The following CDH18 variants were observed in gnomAD, a reference collection of about 807,000 sequenced individuals.
The protein encoded by CDH18 is cadherin-18.
In CDH18, 31 loss-of-function variants were observed where a neutral mutation model predicts 67.9. The ratio of observed to expected loss-of-function variants is 0.46; its 90% CI spans 0.34 to 0.62. CDH18 has a LOEUF of 0.62. Ranked by LOEUF, CDH18 falls within the 20% of genes least tolerant of loss-of-function variation. CDH18 has a pLI of 0.01. For missense variants in CDH18, 890 were observed against 975.5 expected, an observed-to-expected ratio of 0.91 and a Z score of 1.17; for synonymous variants, 362 against 347.2, an observed-to-expected ratio of 1.04 and a Z score of -0.48.
chr5:19,681,627 G>T (rs1003498061), intron 5 of CDH18, among the ~76,000 whole-genome samples: 1 of 151,884 alleles, frequency 6.6e-6, no homozygotes, highest in Admixed American at 6.6e-5. Context: ...GTAAACAAAT[G>T]TAAGAACCAA....
chr5:19,479,736 A>G (rs578195504), intron 12 of CDH18, among the ~76,000 whole-genome samples: 5 of 152,246 alleles, frequency 3.3e-5, no homozygotes, highest in African/African-American at 9.6e-5. Flanking sequence ...TCACCTGCTT[A>G]TATGTGAGGT....
chr5:20,130,774 A>G (rs1186514728), intron 2 of CDH18, among the ~76,000 whole-genome samples: 1 of 152,052 alleles, frequency 6.6e-6, no homozygotes, highest in Non-Finnish European at 1.5e-5. Flanking sequence ...TCTCATATCA[A>G]TATAAGTAAT....
At chr5:20,043,547 C>T (rs1207017333) in intron 2 of CDH18, among the ~76,000 whole-genome samples, 1 of 152,184 alleles carries the variant, frequency 6.6e-6, no homozygotes, top group Non-Finnish European at 1.5e-5. Flanking sequence ...AACTATACAA[C>T]CTTTCATGGT....
chr5:19,575,951 T>A (rs1205208577), intron 7 of CDH18, among the ~76,000 whole-genome samples: 1 of 152,142 alleles, frequency 6.6e-6, no homozygotes, highest in African/African-American at 2.4e-5. Flanking sequence ...TGTCCAGAAA[T>A]CATAATTTTG....
chr5:19,473,286 T>G lies in CDH18; in HGVS notation c.2313A>C (p.Gly771=). 6.2e-7 allele frequency: 1 copy of G among 1,613,784 alleles called. No individual in the cohort carries two copies. The highest frequency in any genetic ancestry group is 8.5e-7 in the Non-Finnish European group (1 of 1,179,834). ...DQDYHYLGDW[G]PEFKKLAELY... ...GTTCAGCTAACTTTTTAAACTCGGGTCCCCAGTCTCCAAGGTAGTGATAAT... is the reference window on the plus strand; with the variant it reads ...GTTCAGCTAACTTTTTAAACTCGGGGCCCCAGTCTCCAAGGTAGTGATAAT... The change falls in exon 13 of 13, where the codon GGA becomes GGC. Residue 771 remains glycine, a synonymous_variant. Coordinates refer to ENST00000382275, the MANE Select transcript of CDH18 (RefSeq NM_004934.5).
intron 1 of CDH18, among the ~76,000 whole-genome samples, chr5:20,537,647 CAA>C (rs1464055499): frequency 2.0e-5 from 3 of 152,008 alleles, no homozygotes; most frequent in Non-Finnish European, 2.9e-5. Context: ...ATAAAAAACT[CAA>C]AGTCTTACTA....
intron 2 of CDH18, among the ~76,000 whole-genome samples, chr5:20,135,820 T>A (rs1223145617): frequency 2.0e-5 from 3 of 152,172 alleles, no homozygotes; most frequent in Non-Finnish European, 2.9e-5. Context: ...TGAAATAACA[T>A]CTTTATTTCT....
chr5:20,105,393 G>A (rs183168101), intron 2 of CDH18, among the ~76,000 whole-genome samples: 2,297 of 152,302 alleles, frequency 0.015, 24 homozygotes, highest in Middle Eastern at 0.027. Flanking sequence ...TTTAATGTTA[G>A]ACACTGAATG....
chr5:19,590,483 T>G (rs1361411544), intron 7 of CDH18, among the ~76,000 whole-genome samples: 3 of 139,530 alleles, frequency 2.2e-5, no homozygotes, highest in Non-Finnish European at 4.6e-5. Flanking sequence ...GCTAGACAGA[T>G]GGATAGATAG....
At chr5:20,271,059 T>C (rs900009379) in intron 1 of CDH18, among the ~76,000 whole-genome samples, 1 of 151,982 alleles carries the variant, frequency 6.6e-6, no homozygotes, top group Non-Finnish European at 1.5e-5. Flanking sequence ...TGAGTGATGA[T>C]ATAATTTGTG....
intron 2 of CDH18, among the ~76,000 whole-genome samples, chr5:20,222,756 G>A (rs910960727): frequency 6.6e-6 from 1 of 151,566 alleles, no homozygotes; most frequent in Non-Finnish European, 1.5e-5. Flanking sequence ...TTAGCCTCCA[G>A]GTAAATTCCT....
chr5:20,541,145 T>A (rs1757028005), intron 1 of CDH18, among the ~76,000 whole-genome samples: 1 of 152,112 alleles, frequency 6.6e-6, no homozygotes, highest in African/African-American at 2.4e-5. Flanking sequence ...AAGTAGAAAA[T>A]TTATAAAATT....
At chr5:19,505,100 A>G (rs1743889642) in intron 10 of CDH18, among the ~76,000 whole-genome samples, 1 of 152,142 alleles carries the variant, frequency 6.6e-6, no homozygotes, top group African/African-American at 2.4e-5. Flanking sequence ...AATTAAACAG[A>G]AAGCTCACAT....
chr5:19,741,467 C>T (rs1193861089), intron 4 of CDH18, among the ~76,000 whole-genome samples: 2 of 151,752 alleles, frequency 1.3e-5, no homozygotes, highest in Admixed American at 1.3e-4. Context: ...GCCATCATGG[C>T]TCCCAAGTAG....
rs766955714 is a variant in CDH18 at position 19,748,112 on chromosome 5, C to CAAAAAAAAAAAAAAAAAAAAAA, written c.229-877_229-876insTTTTTTTTTTTTTTTTTTTTTT. 5.9e-3 allele frequency among the ~76,000 whole-genome samples: 87 copies of CAAAAAAAAAAAAAAAAAAAAAA among 14,848 alleles called. 24 individuals are homozygous for CAAAAAAAAAAAAAAAAAAAAAA. The highest frequency in any genetic ancestry group is 8.5e-3 in the South Asian group (1 of 118). The allele number at this position is 14,848 out of a possible 152,430, so 9.7% of individuals were successfully genotyped here. On this transcript the variant is annotated intron_variant, in intron 3 of 12. Transcript: ENST00000382275. Reference sequence around the variant, plus strand: ...TGGGAGACAGAGCGAGACTCCATCTCAAAAAAAAAAAAAAAAAAAAAGAGT... The same window carrying CAAAAAAAAAAAAAAAAAAAAAA: ...TGGGAGACAGAGCGAGACTCCATCTCAAAAAAAAAAAAAAAAAAAAAAAAAAAAAAAAAAAAAAAAAAAGAGT...
chr5:19,611,949 C>CGTGTGTGTGT (rs3062879), intron 6 of CDH18, among the ~76,000 whole-genome samples: 3,552 of 138,988 alleles, frequency 0.026, 81 homozygotes, highest in African/African-American at 0.039. Context: ...TTGGATGATG[C>CGTGTGTGTGT]GTGTGTGTGT....
chr5:20,304,814 TAG>T, intron 1 of CDH18: 2 of 1,611,314 alleles, frequency 1.2e-6, no homozygotes, highest in Non-Finnish European at 1.7e-6. Flanking sequence ...GCAGCTTTGT[TAG>T]ATTCACTTTC....
chr5:19,738,479 G>A (rs944245346), intron 4 of CDH18, among the ~76,000 whole-genome samples: 2 of 151,920 alleles, frequency 1.3e-5, no homozygotes, highest in Non-Finnish European at 2.9e-5. Flanking sequence ...TCTCTGACTG[G>A]TTTGTTTTGT....
At chr5:20,429,075 CT>C (rs71599752) in intron 1 of CDH18, among the ~76,000 whole-genome samples, 33,535 of 146,788 alleles carry the variant, frequency 0.23, 3,860 homozygotes, top group East Asian at 0.31. Flanking sequence ...GCTGATACCT[CT>C]TTTTTTTTTT....
Sources: allele counts gnomAD v4.1 joint callset (sites outside exome capture counted in the v4.1 genomes callset), GRCh38; gene constraint gnomAD v4.1.1; transcripts MANE v1.5; gene names NCBI Gene and HGNC (gene_info 2026-07-23, HGNC 2026-07-21).